RBMS3: variants seen among roughly 807,000 people sequenced by gnomAD.
RBMS3 encodes the protein RNA binding motif single stranded interacting protein 3.
A neutral mutation model predicts 66.8 loss-of-function variants in RBMS3; 27 were observed. That is an observed-to-expected ratio of 0.40 (90% CI 0.30 to 0.56). The LOEUF is 0.56. Among genes scored for constraint, RBMS3 ranks in the 20% least tolerant of loss-of-function variants. RBMS3 has a pLI of 0.40. For synonymous variants in RBMS3, 188 were observed against 183.0 expected, an observed-to-expected ratio of 1.03 and a Z score of -0.22; for missense variants, 513 against 549.5, an observed-to-expected ratio of 0.93 and a Z score of 0.66.
chr3:29,552,234 T>C (rs1459506068), intron 3 of RBMS3, among the ~76,000 whole-genome samples: 1 of 152,208 alleles, frequency 6.6e-6, no homozygotes, highest in Non-Finnish European at 1.5e-5. Flanking sequence ...ATTTCAGGAC[T>C]CAGGACTATG....
intron 3 of RBMS3, among the ~76,000 whole-genome samples, chr3:29,507,905 T>C (rs1206967178): frequency 6.6e-6 from 1 of 152,122 alleles, no homozygotes; most frequent in Non-Finnish European, 1.5e-5. Flanking sequence ...CTCCTATCTA[T>C]AATAGAAAAC....
At chr3:29,768,713 G>A (rs755834764) in intron 6 of RBMS3, among the ~76,000 whole-genome samples, 2 of 151,928 alleles carry the variant, frequency 1.3e-5, no homozygotes, top group Non-Finnish European at 2.9e-5. Flanking sequence ...GGGTATAGGA[G>A]CCAGAAGATA....
intron 1 of RBMS3, among the ~76,000 whole-genome samples, chr3:29,324,732 C>G (rs1330790166): frequency 2.0e-5 from 3 of 151,502 alleles, no homozygotes; most frequent in Non-Finnish European, 4.4e-5. Context: ...CAAGAGCTTT[C>G]TCTCCTAATT....
At chr3:29,453,993 G>T (rs17023574) in intron 2 of RBMS3, among the ~76,000 whole-genome samples, 4,411 of 152,278 alleles carry the variant, frequency 0.029, 189 homozygotes, top group African/African-American at 0.099. Context: ...TGACTGTAAT[G>T]ATAGTAGCAA....
intron 14 of RBMS3, among the ~76,000 whole-genome samples, chr3:30,003,586 G>A (rs2125406457): frequency 6.6e-6 from 1 of 152,094 alleles, no homozygotes; most frequent in African/African-American, 2.4e-5. Flanking sequence ...TGAAGGAACA[G>A]AATTACTCAA....
At chr3:29,765,410 A>G (rs2055879986) in intron 6 of RBMS3, among the ~76,000 whole-genome samples, 2 of 151,902 alleles carry the variant, frequency 1.3e-5, no homozygotes, top group Admixed American at 6.6e-5. Flanking sequence ...TAAGTGGCCA[A>G]TTTCCGAATC....
At chr3:29,699,788 T>C (rs2052464500) in intron 4 of RBMS3, among the ~76,000 whole-genome samples, 1 of 152,186 alleles carries the variant, frequency 6.6e-6, no homozygotes, top group South Asian at 2.1e-4. Flanking sequence ...GAAGATATAC[T>C]GATTTGTACA....
chr3:29,773,446 G>A (rs556370367), intron 6 of RBMS3, among the ~76,000 whole-genome samples: 2 of 152,130 alleles, frequency 1.3e-5, no homozygotes, highest in African/African-American at 4.8e-5. Context: ...AAGATTGGGA[G>A]GCTGTACATA....
chr3:29,652,780 C>T (rs538420893), intron 4 of RBMS3, among the ~76,000 whole-genome samples: 212 of 152,176 alleles, frequency 1.4e-3, no homozygotes, highest in African/African-American at 5.0e-3. Flanking sequence ...TTTACCAAGC[C>T]ACATGCTCTT....
At chr3:29,446,906 CTTTTTTTTTTTTTTT>C (rs11293530) in intron 2 of RBMS3, among the ~76,000 whole-genome samples, 4 of 68,582 alleles carry the variant, frequency 5.8e-5, no homozygotes, top group African/African-American at 2.4e-4. Flanking sequence ...ATTAAGCAGT[CTTTTTTTTTTTTTTT>C]TTTTTTTTTG....
chr3:29,979,519 G>T lies in RBMS3; in HGVS notation c.1099-8624G>T, dbSNP rs558994471. ...TGTTACATAGGTATACACGTGCCAT[G>T]GTGGTTTGCTGCATCCATCAACCCG... On this transcript the variant is annotated intron_variant, in intron 12 of 14. Transcript: ENST00000383767. Among the ~76,000 whole-genome samples, 125 of 152,270 alleles carry T rather than the reference G, an allele frequency of 8.2e-4. 4 individuals carry two copies. In the South Asian group the frequency reaches 0.025, roughly 31 times the overall value.
chr3:29,450,932 C>CA (rs1491094947), intron 2 of RBMS3, among the ~76,000 whole-genome samples: 8,353 of 57,216 alleles, frequency 0.15, 280 homozygotes, highest in African/African-American at 0.21. Flanking sequence ...CACACACACA[C>CA]CCCCCACACA....
At chr3:29,357,356 T>C (rs1575605371) in intron 1 of RBMS3, among the ~76,000 whole-genome samples, 1 of 152,318 alleles carries the variant, frequency 6.6e-6, no homozygotes, top group East Asian at 1.9e-4. Flanking sequence ...GCTTCATCCA[T>C]GTCCCTACAA....
At chr3:29,770,855 C>T (rs188155583) in intron 6 of RBMS3, among the ~76,000 whole-genome samples, 1 of 152,040 alleles carries the variant, frequency 6.6e-6, no homozygotes, top group Admixed American at 6.6e-5. Context: ...GTTCTTAGTG[C>T]ATTTCAGAAT....
At chr3:29,710,276 T>C (rs1467362468) in intron 4 of RBMS3, among the ~76,000 whole-genome samples, 1 of 152,216 alleles carries the variant, frequency 6.6e-6, no homozygotes, top group Non-Finnish European at 1.5e-5. Flanking sequence ...TTAAGAATGC[T>C]AAATTTAAAT....
At chr3:29,891,960 T>C (rs1268103584) in intron 8 of RBMS3, among the ~76,000 whole-genome samples, 1 of 151,582 alleles carries the variant, frequency 6.6e-6, no homozygotes, top group Admixed American at 6.6e-5. Context: ...TTTCAATATG[T>C]AAATAGGATT....
chr3:29,683,261 C>A (rs2051573651), intron 4 of RBMS3, among the ~76,000 whole-genome samples: 1 of 152,140 alleles, frequency 6.6e-6, no homozygotes, highest in Non-Finnish European at 1.5e-5. Flanking sequence ...ACTCAATTTT[C>A]AAAGCAAATG....
At chr3:29,447,635 A>G (rs1449370530) in intron 2 of RBMS3, among the ~76,000 whole-genome samples, 1 of 152,262 alleles carries the variant, frequency 6.6e-6, no homozygotes, top group African/African-American at 2.4e-5. Context: ...GAAGCCTGGC[A>G]TGGAGTGAGT....
chr3:29,781,370 G>C (rs1027012640), intron 6 of RBMS3, among the ~76,000 whole-genome samples: 3 of 151,988 alleles, frequency 2.0e-5, no homozygotes, highest in Non-Finnish European at 2.9e-5. Context: ...ATGGTTATAT[G>C]TATCATTAGT....
Sources: gnomAD v4.1 joint callset for allele counts (sites outside exome capture counted in the v4.1 genomes callset) on GRCh38, gnomAD v4.1.1 for gene constraint, MANE v1.5 for transcripts, NCBI Gene and HGNC (gene_info 2026-07-23, HGNC 2026-07-21) for gene names.